Variants in ZNF627 observed in about 807,000 individuals in gnomAD.
The protein encoded by ZNF627 is zinc finger protein 627.
In ZNF627, 12 loss-of-function variants were observed where a neutral mutation model predicts 10.6. That is an observed-to-expected ratio of 1.13 (90% CI 0.73 to 1.84). ZNF627 has a LOEUF of 1.84. ZNF627 is among the 40% of genes most tolerant of loss of function. The pLI, the probability that ZNF627 is intolerant of heterozygous loss-of-function variation, is 0.00. For missense variants in ZNF627, 504 were observed against 568.4 expected, an observed-to-expected ratio of 0.89 and a Z score of 1.15; for synonymous variants, 176 against 187.1, an observed-to-expected ratio of 0.94 and a Z score of 0.48.
At chr19:11,603,774 C>T (rs1973627594) in intron 1 of ZNF627, among the ~76,000 whole-genome samples, 1 of 151,856 alleles carries the variant, frequency 6.6e-6, no homozygotes, top group South Asian at 2.1e-4. Flanking sequence ...CTTAGAGTTT[C>T]CTTATTCTCC....
intron 1 of ZNF627, among the ~76,000 whole-genome samples, chr19:11,612,203 C>T (rs1447504557): frequency 6.8e-6 from 1 of 147,054 alleles, no homozygotes; most frequent in African/African-American, 2.5e-5. Context: ...TCACTGCAAG[C>T]TCCACCTCCC....
At chr19:11,604,156 G>A (rs1358792848) in intron 1 of ZNF627, 1 of 152,060 alleles carries the variant, frequency 6.6e-6, no homozygotes, top group Non-Finnish European at 1.5e-5. Context: ...GAGCCAATAT[G>A]TTACTAACTA....
intron 1 of ZNF627, among the ~76,000 whole-genome samples, chr19:11,609,469 TTTTATATATATATATATATA>T (rs1286289356): frequency 2.8e-4 from 33 of 115,862 alleles, no homozygotes; most frequent in African/African-American, 7.3e-4. Flanking sequence ...TTTTAAAAAA[TTTTATATATATATATATATA>T]TATATATATA....
chr19:11,601,260 A>G (rs1314030305), intron 1 of ZNF627, among the ~76,000 whole-genome samples: 1 of 152,180 alleles, frequency 6.6e-6, no homozygotes, highest in African/African-American at 2.4e-5. Flanking sequence ...TGTACTTGCT[A>G]TTATCTTGGG....
chr19:11,606,330 C>T (rs1431167311), intron 1 of ZNF627, among the ~76,000 whole-genome samples: 1 of 151,116 alleles, frequency 6.6e-6, no homozygotes, highest in Non-Finnish European at 1.5e-5. Context: ...GAGCCAGACT[C>T]TGTCTCAAAA....
In ZNF627 at chr19:11,597,579, AG is replaced by A; in HGVS notation, c.-47del. The A allele has an allele frequency of 7.6e-7, 1 of 1,320,282 alleles. No individual in the cohort carries two copies. The highest frequency in any genetic ancestry group is 9.7e-7 in the Non-Finnish European group (1 of 1,026,242). 81.8% of individuals were successfully genotyped at this position (1,320,282 alleles called of 1,614,324 possible). A position where few individuals can be genotyped will look rare whatever the true frequency, so the allele number is the denominator to read the frequency against. On this transcript the variant is annotated 5_prime_UTR_variant, in exon 1 of 4. Transcript: ENST00000361113. ...GCCTCTGTCGCGCCGTGACCTGTAC[AG>A]GTCGCGGGAGTCGTAGGGAGGACGC...
chr19:11,599,675 G>A (rs1973551259), intron 1 of ZNF627, among the ~76,000 whole-genome samples: 1 of 152,128 alleles, frequency 6.6e-6, no homozygotes, highest in Non-Finnish European at 1.5e-5. Flanking sequence ...GGAAGCTGAG[G>A]TGGGCGGATC....
intron 1 of ZNF627, among the ~76,000 whole-genome samples, chr19:11,599,869 T>G (rs1973555290): frequency 6.6e-6 from 1 of 151,930 alleles, no homozygotes; most frequent in African/African-American, 2.4e-5. Flanking sequence ...ATCACACCAC[T>G]GCACCCCAGC....
In ZNF627 at chr19:11,617,867, C is replaced by T; in HGVS notation, c.1364C>T (p.Ser455Leu). The change falls in exon 4 of 4, where the codon TCA becomes TTA. Residue 455 changes from serine to leucine, a missense_variant. Physicochemically the swap from Ser to Leu is moderately radical, Grantham distance 145. Transcript: ENST00000361113. ...KPYENPNPNA[S>L]VVPVLS ...TATGAGAACCCTAACCCTAACGCTT[C>T]AGTTGTCCCAGTTCTTTCATGAGCA... 2 of 1,545,436 alleles carry T rather than the reference C, an allele frequency of 1.3e-6. No homozygotes were observed. The highest frequency in any genetic ancestry group is 1.7e-6 in the Non-Finnish European group (2 of 1,154,862).
At chr19:11,614,441 A>G in intron 1 of ZNF627, 86 bp from the exon 2 acceptor site, 1 of 1,584,344 alleles carries the variant, frequency 6.3e-7, no homozygotes, top group Non-Finnish European at 8.6e-7. Context: ...AAAGCATAGC[A>G]TCCTGAGAAC....
intron 1 of ZNF627, among the ~76,000 whole-genome samples, chr19:11,601,687 G>A (rs1313131291): frequency 6.6e-6 from 1 of 151,954 alleles, no homozygotes; most frequent in African/African-American, 2.4e-5. Context: ...ATAATCGAAA[G>A]GGGAGAAGGC....
At chr19:11,609,709 G>A (rs187300778) in intron 1 of ZNF627, among the ~76,000 whole-genome samples, 1 of 151,638 alleles carries the variant, frequency 6.6e-6, no homozygotes, top group African/African-American at 2.4e-5. Context: ...TAGTAGAGAC[G>A]GGGTTTCACC....
At chr19:11,614,461 A>G in intron 1 of ZNF627, 66 bp from the exon 2 acceptor site, 3 of 1,599,670 alleles carry the variant, frequency 1.9e-6, no homozygotes, top group Non-Finnish European at 2.6e-6. Context: ...CTTCTTGGGA[A>G]TAAAGTCTAG....
chr19:11,600,586 G>A (rs896628580), intron 1 of ZNF627, among the ~76,000 whole-genome samples: 13 of 151,444 alleles, frequency 8.6e-5, no homozygotes, highest in East Asian at 3.9e-4. Flanking sequence ...AAGAGAGAGA[G>A]AAAACTCTCT....
intron 3 of ZNF627, among the ~76,000 whole-genome samples, chr19:11,615,496 C>T (rs1279902059): frequency 5.4e-5 from 8 of 146,878 alleles, no homozygotes; most frequent in South Asian, 2.3e-4. Flanking sequence ...CCCAGCTACT[C>T]GGGAGGCTGA....
intron 1 of ZNF627, among the ~76,000 whole-genome samples, chr19:11,608,126 G>A (rs1973705587): frequency 1.3e-5 from 2 of 152,172 alleles, no homozygotes. Flanking sequence ...GAGAAGTGCA[G>A]AGCGAAGAGT....
intron 1 of ZNF627, among the ~76,000 whole-genome samples, chr19:11,608,430 G>A (rs1227464963): frequency 6.6e-6 from 1 of 152,150 alleles, no homozygotes; most frequent in African/African-American, 2.4e-5. Flanking sequence ...TAGGTTTGAA[G>A]CAGCTGTAAT....
At position 11,617,926 on chromosome 19, in the gene ZNF627, T is replaced by A; in HGVS notation, c.*37T>A. 2.7e-6 allele frequency: 4 copies of A among 1,482,694 alleles called. No individual in the cohort carries two copies. The highest frequency in any genetic ancestry group is 3.6e-6 in the Non-Finnish European group (4 of 1,121,766). 91.8% of individuals were successfully genotyped at this position (1,482,694 alleles called of 1,614,324 possible). A position where few individuals can be genotyped will look rare whatever the true frequency, so the allele number is the denominator to read the frequency against. Reference sequence around the variant, plus strand: ...GTCACATAGAGAAACCCCATGAAAGTAAGAAATTTGGGAAAGCCTTCAGTC... The same window carrying A: ...GTCACATAGAGAAACCCCATGAAAGAAAGAAATTTGGGAAAGCCTTCAGTC... On this transcript the variant is annotated 3_prime_UTR_variant, in exon 4 of 4. Coordinates refer to ENST00000361113, the MANE Select transcript of ZNF627 (RefSeq NM_145295.4).
chr19:11,608,568 G>A (rs559245776), intron 1 of ZNF627, among the ~76,000 whole-genome samples: 2 of 152,284 alleles, frequency 1.3e-5, no homozygotes, highest in African/African-American at 2.4e-5. Flanking sequence ...AAATTACATT[G>A]TGTAAAATCT....
Sources: allele counts gnomAD v4.1 joint callset (sites outside exome capture counted in the v4.1 genomes callset), GRCh38; gene constraint gnomAD v4.1.1; transcripts MANE v1.5; gene names NCBI Gene and HGNC (gene_info 2026-07-23, HGNC 2026-07-21).